Variants in SGCZ observed in about 807,000 individuals in gnomAD.
SGCZ encodes zeta-sarcoglycan.
Under a neutral mutation model 41.3 loss-of-function variants are expected in SGCZ, and 40 were observed. That is an observed-to-expected ratio of 0.97 (90% CI 0.75 to 1.26). The LOEUF (loss-of-function observed/expected upper bound fraction) is 1.26. Ranked by LOEUF, SGCZ falls within the 50% of genes most tolerant of loss-of-function variation. The pLI is 0.00. For synonymous variants in SGCZ, 206 were observed against 137.5 expected (o/e 1.50, Z -3.49); for missense variants, 552 against 369.8 (o/e 1.49, Z -4.04).
rs143778730 is a variant in SGCZ, at chr8:14,631,757, G to A, written c.40-76831C>T. Among the ~76,000 whole-genome samples the A allele has an allele frequency of 8.8e-3, 1,337 of 152,102 alleles. 18 individuals are homozygous for A. Among genetic ancestry groups the A allele is most frequent in the African/African-American group, 0.031 (1,267 of 41,500 alleles). The stretch of plus-strand genomic sequence containing the variant: ...TCATATAAACAATAATGTAGCAGAA[G>A]GATTATAGAACTGAGAGTTAGGAAA... On this transcript the variant is annotated intron_variant, in intron 1 of 7. Coordinates refer to ENST00000382080, the MANE Select transcript of SGCZ (RefSeq NM_139167.4).
At chr8:14,883,507 T>A (rs924939675) in intron 1 of SGCZ, among the ~76,000 whole-genome samples, 8 of 152,124 alleles carry the variant, frequency 5.3e-5, no homozygotes, top group African/African-American at 1.4e-4. Flanking sequence ...ACTGATCCAA[T>A]CCTTATTTTA....
intron 4 of SGCZ, among the ~76,000 whole-genome samples, chr8:14,173,225 C>A (rs528969591): frequency 1.3e-5 from 2 of 150,922 alleles, no homozygotes; most frequent in Non-Finnish European, 3.0e-5. Context: ...ACTAGATGTG[C>A]AAAAATGTGG....
chr8:14,636,572 G>C (rs181462988), intron 1 of SGCZ, among the ~76,000 whole-genome samples: 2 of 152,018 alleles, frequency 1.3e-5, no homozygotes, highest in African/African-American at 4.8e-5. Context: ...CAATAGGTTT[G>C]TGGGTTGTGG....
intron 7 of SGCZ, 47 bp from the exon 8 acceptor site, chr8:14,090,684 C>T: frequency 6.5e-7 from 1 of 1,528,102 alleles, no homozygotes; most frequent in Non-Finnish European, 8.9e-7. Flanking sequence ...AGAAATGTAG[C>T]ATCGAGTAAT....
At chr8:14,147,915 A>G (rs1198923214) in intron 5 of SGCZ, among the ~76,000 whole-genome samples, 1 of 152,156 alleles carries the variant, frequency 6.6e-6, no homozygotes, top group Non-Finnish European at 1.5e-5. Flanking sequence ...TGCGAACTAT[A>G]CAAATACCTA....
At chr8:14,220,335 G>C (rs573816986) in intron 4 of SGCZ, among the ~76,000 whole-genome samples, 3 of 152,232 alleles carry the variant, frequency 2.0e-5, no homozygotes, top group Admixed American at 2.0e-4. Context: ...GAGAAAAAAA[G>C]TCAGATGCAA....
At chr8:14,928,702 T>C (rs1453953700) in intron 1 of SGCZ, among the ~76,000 whole-genome samples, 1 of 152,194 alleles carries the variant, frequency 6.6e-6, no homozygotes, top group African/African-American at 2.4e-5. Flanking sequence ...GTTATTCAAA[T>C]TGACATTTTA....
chr8:14,195,925 C>A (rs1007054955), intron 4 of SGCZ, among the ~76,000 whole-genome samples: 1 of 152,010 alleles, frequency 6.6e-6, no homozygotes, highest in Non-Finnish European at 1.5e-5. Context: ...AGGGAGAATG[C>A]AAATGACATC....
At chr8:14,097,992 A>G (rs1801896341) in intron 7 of SGCZ, among the ~76,000 whole-genome samples, 1 of 152,136 alleles carries the variant, frequency 6.6e-6, no homozygotes, top group Non-Finnish European at 1.5e-5. Context: ...GTGGTATTTT[A>G]TAGCCATCTT....
At chr8:14,446,572 A>C (rs529985583) in intron 2 of SGCZ, among the ~76,000 whole-genome samples, 1 of 152,332 alleles carries the variant, frequency 6.6e-6, no homozygotes, top group South Asian at 2.1e-4. Flanking sequence ...CAATTTAGAA[A>C]GGCATTTTAC....
At chr8:14,768,188 G>C (rs767629816) in intron 1 of SGCZ, among the ~76,000 whole-genome samples, 1 of 152,184 alleles carries the variant, frequency 6.6e-6, no homozygotes, top group Non-Finnish European at 1.5e-5. Flanking sequence ...TGGTATCTGT[G>C]TGACATTTCT....
chr8:14,849,788 CTG>C (rs1803252367), intron 1 of SGCZ, among the ~76,000 whole-genome samples: 1 of 152,190 alleles, frequency 6.6e-6, no homozygotes, highest in East Asian at 1.9e-4. Flanking sequence ...ATATGGAAAA[CTG>C]TGCTTCAATA....
intron 1 of SGCZ, among the ~76,000 whole-genome samples, chr8:14,867,841 T>C (rs966164366): frequency 6.0e-5 from 9 of 150,392 alleles, no homozygotes; most frequent in East Asian, 2.0e-4. Context: ...GGTGATGAAA[T>C]AATCTGTACA....
chr8:14,560,612 T>C (rs1321842178), intron 1 of SGCZ, among the ~76,000 whole-genome samples: 1 of 152,094 alleles, frequency 6.6e-6, no homozygotes, highest in Non-Finnish European at 1.5e-5. Context: ...AAAGCAAACT[T>C]ATTTTCTAGA....
chr8:14,803,299 C>T (rs1306820260), intron 1 of SGCZ, among the ~76,000 whole-genome samples: 2 of 152,136 alleles, frequency 1.3e-5, no homozygotes, highest in Non-Finnish European at 2.9e-5. Flanking sequence ...GTGATTTCTG[C>T]ATTTCCATCT....
At chr8:14,557,379 G>T (rs1189288389) in intron 1 of SGCZ, among the ~76,000 whole-genome samples, 1 of 151,902 alleles carries the variant, frequency 6.6e-6, no homozygotes, top group Non-Finnish European at 1.5e-5. Flanking sequence ...CCTGTGGGTT[G>T]TCTGTTTACC....
intron 5 of SGCZ, among the ~76,000 whole-genome samples, chr8:14,146,226 C>G (rs1429502805): frequency 6.6e-6 from 1 of 152,124 alleles, no homozygotes; most frequent in Non-Finnish European, 1.5e-5. Flanking sequence ...AGAGCTCCAA[C>G]AGGTCTGGCA....
intron 3 of SGCZ, among the ~76,000 whole-genome samples, chr8:14,269,256 G>C (rs1799979475): frequency 6.6e-6 from 1 of 152,074 alleles, no homozygotes; most frequent in East Asian, 1.9e-4. Context: ...AATTTATTTT[G>C]TAACAATATG....
intron 3 of SGCZ, among the ~76,000 whole-genome samples, chr8:14,314,597 T>C (rs73666521): frequency 0.052 from 7,907 of 152,118 alleles, 631 homozygotes; most frequent in African/African-American, 0.17. Flanking sequence ...GCTTTGTAAA[T>C]TGCAAAGTTT....
Sources: allele counts gnomAD v4.1 joint callset (sites outside exome capture counted in the v4.1 genomes callset), GRCh38; gene constraint gnomAD v4.1.1; transcripts MANE v1.5; gene names NCBI Gene and HGNC (gene_info 2026-07-23, HGNC 2026-07-21).